The following TMCO4 variants were observed in gnomAD, a reference collection of about 807,000 sequenced individuals.
The protein encoded by TMCO4 is transmembrane and coiled-coil domain-containing protein 4.
Under a neutral mutation model 64.7 loss-of-function variants are expected in TMCO4, and 58 were observed. That is an observed-to-expected ratio of 0.90 (90% CI 0.73 to 1.12). The LOEUF (loss-of-function observed/expected upper bound fraction) is 1.12, where lower values mean the gene tolerates loss of function less well. Ranked by LOEUF, TMCO4 falls within the 50% of genes most tolerant of loss-of-function variation. TMCO4 has a pLI of 0.00. For missense variants in TMCO4, 780 were observed against 825.9 expected, an observed-to-expected ratio of 0.94 and a Z score of 0.68; for synonymous variants, 325 against 346.1, an observed-to-expected ratio of 0.94 and a Z score of 0.68.
At chr1:19,791,430 C>T (rs2044031364) in intron 2 of TMCO4, among the ~76,000 whole-genome samples, 1 of 152,154 alleles carries the variant, frequency 6.6e-6, no homozygotes, top group Admixed American at 6.5e-5. Flanking sequence ...TGGGGGAGCC[C>T]ATGGTTCCAA....
intron 15 of TMCO4, among the ~76,000 whole-genome samples, chr1:19,692,138 A>T (rs1184138500): frequency 6.6e-6 from 1 of 152,206 alleles, no homozygotes; most frequent in South Asian, 2.1e-4. Flanking sequence ...TTGGCACTTG[A>T]TAAATGGCAG....
chr1:19,691,332 G>T (rs2095193157), intron 15 of TMCO4, among the ~76,000 whole-genome samples: 1 of 152,210 alleles, frequency 6.6e-6, no homozygotes, highest in Non-Finnish European at 1.5e-5. Flanking sequence ...GGCCCTGGAA[G>T]TTTAGGGGTG....
chr1:19,759,372 C>T (rs2042402149), intron 6 of TMCO4, among the ~76,000 whole-genome samples: 1 of 152,184 alleles, frequency 6.6e-6, no homozygotes, highest in Admixed American at 6.5e-5. Context: ...ATTTGCCAAA[C>T]AGCAGCCACT....
intron 2 of TMCO4, among the ~76,000 whole-genome samples, chr1:19,793,828 T>G (rs1418998355): frequency 6.6e-6 from 1 of 152,178 alleles, no homozygotes; most frequent in Non-Finnish European, 1.5e-5. Flanking sequence ...TGCCTGCTAT[T>G]AACCACTGTC....
At chr1:19,772,942 C>T (rs573837171) in intron 4 of TMCO4, among the ~76,000 whole-genome samples, 11 of 152,308 alleles carry the variant, frequency 7.2e-5, no homozygotes, top group South Asian at 2.1e-4. Flanking sequence ...GTAATCCCAA[C>T]GCTTTGAGAA....
intron 14 of TMCO4, among the ~76,000 whole-genome samples, chr1:19,699,509 ATATATT>A (rs779550650): frequency 7.8e-5 from 11 of 140,134 alleles, no homozygotes; most frequent in East Asian, 4.3e-4. Flanking sequence ...ATATATATAT[ATATATT>A]GAGATGGAGT....
intron 13 of TMCO4, among the ~76,000 whole-genome samples, chr1:19,703,993 GAC>G (rs2095289053): frequency 6.6e-6 from 1 of 152,214 alleles, no homozygotes; most frequent in East Asian, 1.9e-4. Flanking sequence ...CACAGACAGA[GAC>G]AGCTTCCTCT....
At chr1:19,709,291 G>T (rs1051961210) in intron 13 of TMCO4, among the ~76,000 whole-genome samples, 16 of 152,122 alleles carry the variant, frequency 1.1e-4, no homozygotes, top group Admixed American at 2.6e-4. Context: ...CCCGGCGGGG[G>T]GGGGGGACCC....
intron 13 of TMCO4, among the ~76,000 whole-genome samples, chr1:19,735,221 T>G (rs2095448387): frequency 6.6e-6 from 1 of 152,220 alleles, no homozygotes; most frequent in Non-Finnish European, 1.5e-5. Context: ...GGACATTTAC[T>G]GAGTGTACCC....
At chr1:19,786,183 G>C (rs993803017) in intron 3 of TMCO4, among the ~76,000 whole-genome samples, 1 of 152,230 alleles carries the variant, frequency 6.6e-6, no homozygotes, top group African/African-American at 2.4e-5. Context: ...AGGAGTCTGA[G>C]GAATTTGAGG....
intron 15 of TMCO4, among the ~76,000 whole-genome samples, chr1:19,685,710 C>CTGTTTTTTTTTTTT (rs2095142242): frequency 9.4e-6 from 1 of 106,616 alleles, no homozygotes; most frequent in East Asian, 2.7e-4. Context: ...AGGCCTGTTT[C>CTGTTTTTTTTTTTT]TTTTTTTTTT....
chr1:19,747,400 G>A (rs1057100844), intron 7 of TMCO4, 140 bp from the exon 8 acceptor site: 1 of 737,734 alleles, frequency 1.4e-6, no homozygotes. Flanking sequence ...GTCACCTTGA[G>A]CCCACTGATG....
chr1:19,798,986 T>C (rs567570944), intron 1 of TMCO4, among the ~76,000 whole-genome samples: 3 of 152,344 alleles, frequency 2.0e-5, no homozygotes, highest in Admixed American at 6.5e-5. Flanking sequence ...GGTAGTAGTC[T>C]GGGATTCTAG....
chr1:19,769,625 T>C (rs373988686), intron 6 of TMCO4, among the ~76,000 whole-genome samples: 1 of 152,168 alleles, frequency 6.6e-6, no homozygotes, highest in East Asian at 1.9e-4. Context: ...ACATCAGAGG[T>C]CACTGCATAA....
intron 15 of TMCO4, among the ~76,000 whole-genome samples, chr1:19,691,018 A>AC (rs2095189374): frequency 1.3e-5 from 2 of 151,788 alleles, no homozygotes; most frequent in East Asian, 3.9e-4. Context: ...ACAGGTGCCC[A>AC]CCGCCACACC....
intron 4 of TMCO4, among the ~76,000 whole-genome samples, chr1:19,777,904 G>C (rs1005665639): frequency 2.0e-5 from 3 of 152,162 alleles, no homozygotes; most frequent in African/African-American, 7.2e-5. Context: ...AGGCATGGTG[G>C]CATGCATCTG....
chr1:19,795,428 C>T (rs139526060), intron 2 of TMCO4, among the ~76,000 whole-genome samples: 2,155 of 152,136 alleles, frequency 0.014, 47 homozygotes, highest in African/African-American at 0.049. Context: ...GCCGAGATTG[C>T]GCCATTGCAC....
Position 19,683,085 on chromosome 1 carries a change from G to A in TMCO4, c.1860C>T (p.Pro620=), listed in dbSNP as rs765490684. 5.0e-6 allele frequency: 8 copies of A among 1,606,208 alleles called. No individual in the cohort carries two copies. The highest frequency in any genetic ancestry group is 2.7e-5 in the African/African-American group (2 of 74,720). ...HGMDPNPLGC[P]DCACKTQGPS... ...GGCCCTGGGTCTTGCAGGCACAATCGGGGCAGCCCAGTGGGTTGGGGTCCA... is the reference window on the plus strand; with the variant it reads ...GGCCCTGGGTCTTGCAGGCACAATCAGGGCAGCCCAGTGGGTTGGGGTCCA... Residue 620 remains proline, a synonymous_variant, in exon 16 of 16, where the codon CCC becomes CCT. Transcript: ENST00000294543.
chr1:19,703,626 C>A (rs1189740565), intron 13 of TMCO4, among the ~76,000 whole-genome samples: 3 of 151,276 alleles, frequency 2.0e-5, no homozygotes, highest in Non-Finnish European at 4.4e-5. Context: ...TGGCTCACTG[C>A]AAATTCCACC....
Sources: allele counts gnomAD v4.1 joint callset (sites outside exome capture counted in the v4.1 genomes callset), GRCh38; gene constraint gnomAD v4.1.1; transcripts MANE v1.5; gene names NCBI Gene and HGNC (gene_info 2026-07-23, HGNC 2026-07-21).